The following MIA2 variants were observed in gnomAD, a reference collection of about 807,000 sequenced individuals.
MIA2 encodes melanoma inhibitory activity protein 2.
MIA2 carries 127 observed loss-of-function variants against 167.8 expected under a neutral mutation model. The ratio of observed to expected loss-of-function variants is 0.76; its 90% CI spans 0.66 to 0.88. The LOEUF is 0.88. Ranked by LOEUF, MIA2 falls within the 40% of genes least tolerant of loss-of-function variation. MIA2 has a pLI of 0.00. For synonymous variants in MIA2, 552 were observed against 541.9 expected (o/e 1.02, Z -0.26); for missense variants, 1,690 against 1,624.7 (o/e 1.04, Z -0.69).
chr14:39,288,917 T>C (rs2060335009), intron 9 of MIA2, among the ~76,000 whole-genome samples: 1 of 152,156 alleles, frequency 6.6e-6, no homozygotes, highest in African/African-American at 2.4e-5. Flanking sequence ...TAGGTTTGTT[T>C]GTTTGTTTAT....
intron 23 of MIA2, 45 bp from the exon 24 acceptor site, chr14:39,320,883 C>G: frequency 6.3e-7 from 1 of 1,595,150 alleles, no homozygotes; most frequent in East Asian, 2.2e-5. Flanking sequence ...TGTAGTGTAG[C>G]TAAGTGAAAC....
intron 6 of MIA2, chr14:39,269,074 GTTTTTTTTT>G (rs3065036): frequency 8.1e-4 from 473 of 582,586 alleles, no homozygotes; most frequent in African/African-American, 2.8e-3. Flanking sequence ...CACCTGCACA[GTTTTTTTTT>G]TTTTTTTTTT....
At chr14:39,290,806 C>T (rs906613336) in intron 9 of MIA2, among the ~76,000 whole-genome samples, 3 of 152,122 alleles carry the variant, frequency 2.0e-5, no homozygotes, top group African/African-American at 7.2e-5. Flanking sequence ...GAAGTTCTGG[C>T]ATTTGTTGCC....
chr14:39,385,277 G>C, intron 23 of MIA2: 1 of 631,864 alleles, frequency 1.6e-6, no homozygotes, highest in South Asian at 1.9e-5. Context: ...TTCCTATGCA[G>C]TAAAGTGAAG....
At chr14:39,295,554 C>CT (rs913323816) in intron 13 of MIA2, among the ~76,000 whole-genome samples, 13 of 149,116 alleles carry the variant, frequency 8.7e-5, no homozygotes, top group East Asian at 3.9e-4. Flanking sequence ...ATGGTTTGTT[C>CT]TTTTTTTTTT....
intron 6 of MIA2, among the ~76,000 whole-genome samples, chr14:39,268,419 C>T (rs1042528548): frequency 6.6e-6 from 1 of 151,098 alleles, no homozygotes; most frequent in African/African-American, 2.4e-5. Flanking sequence ...TAGTTTTGGC[C>T]ACTAGCATCA....
At chr14:39,326,749 T>G in intron 24 of MIA2, 115 bp from the exon 25 acceptor site, 1 of 904,978 alleles carries the variant, frequency 1.1e-6, no homozygotes, top group Non-Finnish European at 1.6e-6. Flanking sequence ...TACACTGTTA[T>G]TTTTCAGACT....
chr14:39,353,717 C>A (rs991348955), downstream of MIA2, among the ~76,000 whole-genome samples: 1 of 152,146 alleles, frequency 6.6e-6, no homozygotes, highest in Non-Finnish European at 1.5e-5. Context: ...CTCCCCTCTC[C>A]CCTGACCCTA....
At chr14:39,265,634 G>T (rs1269411255) in intron 6 of MIA2, 13 of 375,732 alleles carry the variant, frequency 3.5e-5, no homozygotes, top group South Asian at 6.1e-5. Flanking sequence ...GCAAAGGGAG[G>T]TTTTTTTTTT....
chr14:39,268,190 G>A (rs2056371627), intron 6 of MIA2, among the ~76,000 whole-genome samples: 3 of 152,114 alleles, frequency 2.0e-5, no homozygotes, highest in Non-Finnish European at 2.9e-5. Flanking sequence ...GTTGACATGT[G>A]TAGGGGCATT....
chr14:39,326,162 T>C (rs552022843), intron 24 of MIA2, among the ~76,000 whole-genome samples: 134 of 152,392 alleles, frequency 8.8e-4, no homozygotes, highest in African/African-American at 2.8e-3. Context: ...TCAACAGTGC[T>C]GTTGTTTTTG....
At chr14:39,249,590 TGA>T (rs1378588773) in intron 4 of MIA2, among the ~76,000 whole-genome samples, 5 of 152,188 alleles carry the variant, frequency 3.3e-5, no homozygotes, top group Non-Finnish European at 5.9e-5. Context: ...CCCTGAATTC[TGA>T]GAGTTCAACA....
intron 6 of MIA2, among the ~76,000 whole-genome samples, chr14:39,255,934 G>A (rs2054795837): frequency 6.6e-6 from 1 of 152,200 alleles, no homozygotes; most frequent in Non-Finnish European, 1.5e-5. Context: ...CTGGGAAGGA[G>A]TTCCAGTTTG....
chr14:39,314,114 G>C (rs2064876047), intron 19 of MIA2, among the ~76,000 whole-genome samples: 1 of 152,154 alleles, frequency 6.6e-6, no homozygotes, highest in Non-Finnish European at 1.5e-5. Flanking sequence ...GGCCGGGCAT[G>C]GTGGCTCACG....
intron 13 of MIA2, among the ~76,000 whole-genome samples, chr14:39,298,445 A>ATATATATATATATAAAAG (rs757305309): frequency 2.0e-5 from 2 of 101,334 alleles, no homozygotes; most frequent in Non-Finnish European, 4.1e-5. Context: ...ATATATATAA[A>ATATATATATATATAAAAG]GATTAGTTTT....
In MIA2 at chr14:39,276,915, A is replaced by C. The variant is rs2058081475; in HGVS notation, c.1888-19A>C. The C allele has an allele frequency of 4.4e-6, 7 of 1,604,968 alleles. No individual in the cohort carries two copies. The highest frequency in any genetic ancestry group is 5.1e-6 in the Non-Finnish European group (6 of 1,177,906). ...ACCAAAAGTACATTTTTAAGAACTT[A>C]CTTTTCTTTATCTTGAAGGTTGTGG... On this transcript the variant is annotated intron_variant, in intron 6 of 28. Transcript: ENST00000640607.
At chr14:39,301,982 A>T in intron 14 of MIA2, 147 bp from the exon 15 acceptor site, 2 of 922,772 alleles carry the variant, frequency 2.2e-6, no homozygotes, top group Non-Finnish European at 3.1e-6. Flanking sequence ...CAAGACTACA[A>T]TATCTTAATA....
At chr14:39,367,236 G>C (rs1026527640) in intron 23 of MIA2, among the ~76,000 whole-genome samples, 1 of 152,172 alleles carries the variant, frequency 6.6e-6, no homozygotes, top group Non-Finnish European at 1.5e-5. Context: ...TGGCGACCCT[G>C]TCATTCCACT....
intron 25 of MIA2, among the ~76,000 whole-genome samples, chr14:39,328,355 G>A (rs1026930529): frequency 6.6e-6 from 1 of 152,068 alleles, no homozygotes; most frequent in Non-Finnish European, 1.5e-5. Context: ...CTTGTAGATT[G>A]TGGATATTAG....
Sources: gnomAD v4.1 joint callset for allele counts (sites outside exome capture counted in the v4.1 genomes callset) on GRCh38, gnomAD v4.1.1 for gene constraint, MANE v1.5 for transcripts, NCBI Gene and HGNC (gene_info 2026-07-23, HGNC 2026-07-21) for gene names.